The following CSMD1 variants were observed in gnomAD, a reference collection of about 807,000 sequenced individuals.
The protein encoded by CSMD1 is CUB and Sushi multiple domains 1.
Under a neutral mutation model 417.5 loss-of-function variants are expected in CSMD1, and 213 were observed. The ratio of observed to expected loss-of-function variants is 0.51; its 90% CI spans 0.46 to 0.57. The LOEUF is 0.57. CSMD1 is among the 20% of genes least tolerant of loss of function. The pLI is 0.00. For missense variants in CSMD1, 6,923 were observed against 4,529.7 expected (o/e 1.53, Z -15.17); for synonymous variants, 2,862 against 1,736.8 (o/e 1.65, Z -16.11).
chr8:4,888,874 G>A (rs1276337363), intron 1 of CSMD1, among the ~76,000 whole-genome samples: 2 of 152,000 alleles, frequency 1.3e-5, no homozygotes, highest in Non-Finnish European at 2.9e-5. Context: ...TGAAATAATA[G>A]CAAAGATTTG....
At chr8:4,119,550 G>A (rs935000872) in intron 3 of CSMD1, among the ~76,000 whole-genome samples, 3 of 151,330 alleles carry the variant, frequency 2.0e-5, no homozygotes, top group African/African-American at 7.3e-5. Context: ...TTTAGATGAG[G>A]CCTTAAGGGT....
At chr8:4,109,346 A>G (rs1801732878) in intron 3 of CSMD1, among the ~76,000 whole-genome samples, 1 of 152,146 alleles carries the variant, frequency 6.6e-6, no homozygotes, top group Non-Finnish European at 1.5e-5. Context: ...ATTTTCACGA[A>G]TAAAATCTTA....
At chr8:3,542,075 T>C (rs1259763493) in intron 10 of CSMD1, among the ~76,000 whole-genome samples, 1 of 152,196 alleles carries the variant, frequency 6.6e-6, no homozygotes, top group Non-Finnish European at 1.5e-5. Flanking sequence ...CCGTATTATT[T>C]ATTTTACTGT....
At chr8:4,327,639 C>CA (rs965588177) in intron 3 of CSMD1, among the ~76,000 whole-genome samples, 1 of 152,038 alleles carries the variant, frequency 6.6e-6, no homozygotes, top group Admixed American at 6.6e-5. Context: ...ACAACAACAA[C>CA]AAAAAACAAC....
chr8:4,922,214 G>C (rs377162838), intron 1 of CSMD1, among the ~76,000 whole-genome samples: 21 of 152,186 alleles, frequency 1.4e-4, no homozygotes, highest in Middle Eastern at 3.4e-3. Context: ...ATGTCTGTCT[G>C]TGTTTTTTTA....
chr8:3,784,233 G>C lies in CSMD1; in HGVS notation c.819-30191C>G, dbSNP rs567810983. ...ATAAATAACAAATTATTTTTTAAAAGGATGTGTAAATAAATGTCCAACACA... is the reference window on the plus strand; with the variant it reads ...ATAAATAACAAATTATTTTTTAAAACGATGTGTAAATAAATGTCCAACACA... On this transcript the variant is annotated intron_variant, in intron 5 of 69. Coordinates refer to ENST00000635120, the MANE Select transcript of CSMD1 (RefSeq NM_033225.6). Among the ~76,000 whole-genome samples the C allele has an allele frequency of 5.3e-5, 8 of 152,132 alleles. No homozygotes were observed. In the South Asian group the frequency reaches 1.7e-3, roughly 32 times the overall value.
At chr8:3,624,052 G>C (rs1238899978) in intron 7 of CSMD1, among the ~76,000 whole-genome samples, 1 of 151,960 alleles carries the variant, frequency 6.6e-6, no homozygotes, top group African/African-American at 2.4e-5. Flanking sequence ...TGCGTTGAAG[G>C]GCTTTGTAAA....
rs10100500 is a variant in CSMD1 at position 3,669,383 on chromosome 8, G to A, written c.1009+39031C>T. On this transcript the variant is annotated intron_variant, in intron 7 of 69. Coordinates refer to ENST00000635120, the MANE Select transcript of CSMD1 (RefSeq NM_033225.6). Reference sequence around the variant, plus strand: ...TGGGCGGGAGGGTCCAAGGCCTTGAGCTTCTTGGGCTGGCCAGTCTAGGGG... The same window carrying A: ...TGGGCGGGAGGGTCCAAGGCCTTGAACTTCTTGGGCTGGCCAGTCTAGGGG... Among the ~76,000 whole-genome samples, 4 of 152,134 alleles carry A rather than the reference G, an allele frequency of 2.6e-5. No homozygotes were observed. The East Asian group carries it at 7.8e-4, about 30-fold the overall frequency.
chr8:4,766,700 T>C (rs1156803131), intron 1 of CSMD1, among the ~76,000 whole-genome samples: 1 of 152,220 alleles, frequency 6.6e-6, no homozygotes, highest in African/African-American at 2.4e-5. Context: ...AACTCCGAAC[T>C]CAGGCTTCCA....
chr8:4,703,601 G>T (rs1222880259), intron 1 of CSMD1, among the ~76,000 whole-genome samples: 1 of 152,068 alleles, frequency 6.6e-6, no homozygotes, highest in Non-Finnish European at 1.5e-5. Flanking sequence ...TGGTGTTAAG[G>T]AAATATTTCA....
chr8:3,883,750 C>G (rs544330819), intron 5 of CSMD1, among the ~76,000 whole-genome samples: 7 of 152,036 alleles, frequency 4.6e-5, no homozygotes, highest in African/African-American at 1.4e-4. Flanking sequence ...CAACTGAAAC[C>G]AGTCATCTTA....
chr8:3,616,016 C>CT (rs1393119277), intron 8 of CSMD1, among the ~76,000 whole-genome samples: 46 of 152,224 alleles, frequency 3.0e-4, no homozygotes, highest in African/African-American at 1.1e-3. Flanking sequence ...TATGCATTTT[C>CT]TGAATAAACT....
At chr8:4,488,029 G>A (rs148667395) in intron 2 of CSMD1, among the ~76,000 whole-genome samples, 1 of 152,158 alleles carries the variant, frequency 6.6e-6, no homozygotes, top group African/African-American at 2.4e-5. Context: ...CTGGAGGTGA[G>A]TAGGTCATGA....
chr8:4,792,394 G>A (rs779264425), intron 1 of CSMD1, among the ~76,000 whole-genome samples: 2 of 152,230 alleles, frequency 1.3e-5, no homozygotes, highest in Middle Eastern at 3.4e-3. Flanking sequence ...GAGACATTTC[G>A]TCTTTTCATC....
chr8:4,139,822 A>G (rs557874048), intron 3 of CSMD1, among the ~76,000 whole-genome samples: 1 of 151,038 alleles, frequency 6.6e-6, no homozygotes, highest in Non-Finnish European at 1.5e-5. Context: ...CATTCCACAG[A>G]GGGCCTTGGA....
At chr8:4,784,815 T>C (rs1298272514) in intron 1 of CSMD1, among the ~76,000 whole-genome samples, 1 of 152,170 alleles carries the variant, frequency 6.6e-6, no homozygotes, top group Non-Finnish European at 1.5e-5. Flanking sequence ...AGCAAAGCAT[T>C]GTGGGTTGGC....
intron 40 of CSMD1, among the ~76,000 whole-genome samples, chr8:3,148,940 G>A (rs1401746193): frequency 3.3e-5 from 5 of 152,140 alleles, no homozygotes; most frequent in Admixed American, 2.6e-4. Flanking sequence ...TAAAAAGCTA[G>A]GGATAATACT....
intron 3 of CSMD1, among the ~76,000 whole-genome samples, chr8:4,229,717 G>C (rs1030271924): frequency 6.6e-6 from 1 of 151,992 alleles, no homozygotes; most frequent in East Asian, 1.9e-4. Flanking sequence ...CCTCTTGCTT[G>C]ACCCACCCCA....
intron 2 of CSMD1, among the ~76,000 whole-genome samples, chr8:4,458,833 C>T (rs147098125): frequency 1.3e-5 from 2 of 152,178 alleles, no homozygotes; most frequent in Non-Finnish European, 2.9e-5. Context: ...CAAAGACCCA[C>T]TTTCAGAACT....
Sources: allele counts gnomAD v4.1 joint callset (sites outside exome capture counted in the v4.1 genomes callset), GRCh38; gene constraint gnomAD v4.1.1; transcripts MANE v1.5; gene names NCBI Gene and HGNC (gene_info 2026-07-23, HGNC 2026-07-21).